Variants in CXCR2 observed in about 807,000 individuals in gnomAD.
The protein encoded by CXCR2 is C-X-C chemokine receptor type 2.
In CXCR2, 2 loss-of-function variants were observed where a neutral mutation model predicts 3.7. The ratio of observed to expected loss-of-function variants is 0.55; its 90% CI spans 0.22 to 1.72. The LOEUF (loss-of-function observed/expected upper bound fraction) is 1.72, where lower values mean the gene tolerates loss of function less well. Among genes scored for constraint, CXCR2 ranks in the 40% most tolerant of loss-of-function variants. The pLI is 0.19. For missense variants in CXCR2, 351 were observed against 450.1 expected (o/e 0.78, Z 1.99); for synonymous variants, 203 against 193.3 (o/e 1.05, Z -0.41).
intron 2 of CXCR2, among the ~76,000 whole-genome samples, chr2:218,134,067 C>T (rs1177790668): frequency 1.3e-5 from 2 of 152,216 alleles, no homozygotes; most frequent in Non-Finnish European, 2.9e-5. Context: ...TCTGCTAGCT[C>T]GAGCCTTCCA....
rs1433940520 is a variant in CXCR2 at position 218,136,093 on chromosome 2, A to G, written c.*209A>G. ...TGCCTCACCCCTTGCCATAATTACT[A>G]TGTCATTTGCTGGAGCTCTGCCCAT... On this transcript the variant is annotated 3_prime_UTR_variant, in exon 3 of 3. Transcript: ENST00000318507. 1.7e-6 allele frequency: 1 copy of G among 594,286 alleles called. No homozygotes were observed. The highest frequency in any genetic ancestry group is 3.3e-5 in the Admixed American group (1 of 30,248). 36.8% of individuals were successfully genotyped at this position (594,286 alleles called of 1,614,324 possible). A position where few individuals can be genotyped will look rare whatever the true frequency, so the allele number is the denominator to read the frequency against.
chr2:218,134,656 G>C (rs56288225), intron 2 of CXCR2, 121 bp from the exon 3 acceptor site: 2 of 941,470 alleles, frequency 2.1e-6, no homozygotes, highest in Non-Finnish European at 3.1e-6. Context: ...CAAATTTGAA[G>C]GGAAAAATTA....
At chr2:218,125,456 C>G (rs1690486491), upstream of CXCR2, 1 of 151,876 alleles carries the variant, frequency 6.6e-6, no homozygotes, top group South Asian at 2.1e-4. Flanking sequence ...TTCCTGCATT[C>G]GTTCCTGGAG....
rs1484237355 is a variant in CXCR2 at position 218,126,218 on chromosome 2, G to A, written c.-213G>A. On this transcript the variant is annotated 5_prime_UTR_variant, in exon 1 of 3. Transcript: ENST00000318507. ...AATACCTCCCCAGGAGGGCATCCTG[G>A]ATTTCCCCCTTGCAACCCAGGTCAG... 3 of 152,304 alleles carry A rather than the reference G, an allele frequency of 2.0e-5. No individual in the cohort carries two copies. The highest frequency in any genetic ancestry group is 7.2e-5 in the African/African-American group (3 of 41,416). 9.4% of individuals were successfully genotyped at this position (152,304 alleles called of 1,614,324 possible). A position where few individuals can be genotyped will look rare whatever the true frequency, so the allele number is the denominator to read the frequency against.
At chr2:218,130,313 G>C (rs1044078365) in intron 2 of CXCR2, among the ~76,000 whole-genome samples, 3 of 152,074 alleles carry the variant, frequency 2.0e-5, no homozygotes, top group Non-Finnish European at 2.9e-5. Flanking sequence ...TCAGCTACTT[G>C]GGAAGCTGAG....
At chr2:218,133,290 A>ATTTT (rs60630461) in intron 2 of CXCR2, among the ~76,000 whole-genome samples, 4 of 73,478 alleles carry the variant, frequency 5.4e-5, no homozygotes, top group Admixed American at 1.7e-4. Flanking sequence ...AGAAACTGGG[A>ATTTT]TTTTTTTTTT....
Position 218,135,024 on chromosome 2 carries a change from T to C in CXCR2, c.223T>C (p.Tyr75His), listed in dbSNP as rs199633255. ...CTCCCTCGTGATGCTGGTCATCTTA[T>C]ACAGCAGGGTCGGCCGCTCCGTCAC... ...GNSLVMLVIL[Y>H]SRVGRSVTDV... The change falls in exon 3 of 3, where the codon TAC (tyrosine) becomes CAC (histidine). Residue 75 changes from tyrosine (Y) to histidine (H), a missense_variant. Transcript: ENST00000318507. This position sits in a 1 kb window ranked among gnomAD's most constrained non-coding sequence, Gnocchi z 4.0. The C allele has an allele frequency of 1.9e-5, 30 of 1,614,142 alleles. No individual in the cohort carries two copies. Among genetic ancestry groups the C allele is most frequent in the Non-Finnish European group, 2.5e-5 (29 of 1,180,054 alleles).
rs200386344 is a variant in CXCR2, at chr2:218,135,302, C to T, written c.501C>T (p.Leu167=). ...GCTACTTGGTCAAATTCATATGTCT[C>T]AGCATCTGGGGTCTGTCCTTGCTCC... ...QKRYLVKFIC[L]SIWGLSLLLA... The change falls in exon 3 of 3, where the codon CTC becomes CTT. Residue 167 remains leucine (L), a synonymous_variant. Transcript: ENST00000318507. The surrounding 1 kb of genome is among the most constrained non-coding windows in gnomAD (Gnocchi z 4.0). 44 of 1,614,108 alleles carry T rather than the reference C, an allele frequency of 2.7e-5. No homozygotes were observed. The highest frequency in any genetic ancestry group is 8.3e-5 in the Admixed American group (5 of 60,016).
At chr2:218,132,150 C>T (rs1574539909) in intron 2 of CXCR2, among the ~76,000 whole-genome samples, 1 of 152,152 alleles carries the variant, frequency 6.6e-6, no homozygotes, top group East Asian at 1.9e-4. Context: ...CCAAAAGTCA[C>T]CCATTTAAAG....
intron 1 of CXCR2, among the ~76,000 whole-genome samples, chr2:218,127,186 G>A (rs1690531895): frequency 1.3e-5 from 2 of 152,170 alleles, no homozygotes; most frequent in South Asian, 2.1e-4. Context: ...GAATGCAATG[G>A]CACAATCTCG....
chr2:218,134,676 A>T (rs1690735338), intron 2 of CXCR2, 101 bp from the exon 3 acceptor site: 1 of 1,109,340 alleles, frequency 9.0e-7, no homozygotes, highest in Non-Finnish European at 1.3e-6. Context: ...ACTACATTGT[A>T]ATACTCAAGC....
At position 218,135,383 on chromosome 2, in the gene CXCR2, A is replaced by G; in HGVS notation, c.582A>G (p.Pro194=). ...CCGTCTACTCATCCAATGTTAGCCCAGCCTGCTATGAGGACATGGGCAACA... is the reference window on the plus strand; with the variant it reads ...CCGTCTACTCATCCAATGTTAGCCCGGCCTGCTATGAGGACATGGGCAACA... ...RRTVYSSNVS[P]ACYEDMGNNT... The change falls in exon 3 of 3, where the codon CCA becomes CCG. Residue 194 remains proline (P), a synonymous_variant. Transcript: ENST00000318507. The surrounding 1 kb of genome is among the most constrained non-coding windows in gnomAD (Gnocchi z 4.0). The G allele has an allele frequency of 6.2e-7, 1 of 1,614,190 alleles. No homozygotes were observed. Among genetic ancestry groups the G allele is most frequent in the East Asian group, 2.2e-5 (1 of 44,886 alleles).
rs947835719 is a variant in CXCR2 at position 218,134,691 on chromosome 2, A to G, written c.-25-86A>G. On this transcript the variant is annotated intron_variant, in intron 2 of 2. Coordinates refer to ENST00000318507, the MANE Select transcript of CXCR2 (RefSeq NM_001557.4). ...ACTACATTGTAATACTCAAGCCAAC[A>G]CAAAGAATCCTATCCCAGTTTCTTG... is the stretch of plus-strand genomic sequence containing the variant. The G allele has an allele frequency of 2.6e-5, 33 of 1,283,730 alleles. No homozygotes were observed. The African/African-American group carries it at 3.4e-4, about 13-fold the overall frequency. The allele number at this position is 1,283,730 out of a possible 1,614,324, so 79.5% of individuals were successfully genotyped here. A position where few individuals can be genotyped will look rare whatever the true frequency, so the allele number is the denominator to read the frequency against.
chr2:218,127,729 C>T (rs1391100765), intron 1 of CXCR2, among the ~76,000 whole-genome samples: 1 of 152,140 alleles, frequency 6.6e-6, no homozygotes, highest in Non-Finnish European at 1.5e-5. Flanking sequence ...GTTGCTTAAC[C>T]TCTCAGAGTC....
Position 218,135,462 on chromosome 2 carries a change from A to T in CXCR2, c.661A>T (p.Ile221Phe). The T allele has an allele frequency of 6.2e-7, 1 of 1,614,174 alleles. No homozygotes were observed. The highest frequency in any genetic ancestry group is 1.7e-5 in the Admixed American group (1 of 60,018). ...LRILPQSFGF[I>F]VPLLIMLFCY... ...GATCCTGCCCCAGTCCTTTGGCTTCATCGTGCCACTGCTGATCATGCTGTT... is the reference window on the plus strand; with the variant it reads ...GATCCTGCCCCAGTCCTTTGGCTTCTTCGTGCCACTGCTGATCATGCTGTT... Residue 221 changes from isoleucine to phenylalanine, a missense_variant, in exon 3 of 3, where the codon ATC (isoleucine) becomes TTC (phenylalanine). Coordinates refer to ENST00000318507, the MANE Select transcript of CXCR2 (RefSeq NM_001557.4). This position sits in a 1 kb window ranked among gnomAD's most constrained non-coding sequence, Gnocchi z 4.0.
chr2:218,135,731 C>A lies in CXCR2; in HGVS notation c.930C>A (p.Asn310Lys), dbSNP rs544347825. 6.2e-7 allele frequency: 1 copy of A among 1,613,984 alleles called. No homozygotes were observed. Among genetic ancestry groups the A allele is most frequent in the Admixed American group, 1.7e-5 (1 of 59,996 alleles). Residue 310 changes from asparagine (N) to lysine (K), a missense_variant, in exon 3 of 3, where the codon AAC becomes AAA. Asn to Lys is a moderately conservative substitution (Grantham distance 94). Transcript: ENST00000318507. The surrounding 1 kb of genome is among the most constrained non-coding windows in gnomAD (Gnocchi z 4.0). ...TGGGCATCCTTCACAGCTGCCTCAACCCCCTCATCTACGCCTTCATTGGCC... is the reference window on the plus strand; with the variant it reads ...TGGGCATCCTTCACAGCTGCCTCAAACCCCTCATCTACGCCTTCATTGGCC... ...EILGILHSCL[N>K]PLIYAFIGQK...
At position 218,136,040 on chromosome 2, in the gene CXCR2, C is replaced by T. The variant is rs200910303; in HGVS notation, c.*156C>T. On this transcript the variant is annotated 3_prime_UTR_variant, in exon 3 of 3. Coordinates refer to ENST00000318507, the MANE Select transcript of CXCR2 (RefSeq NM_001557.4). ...GGAGGCCACGTTCTTACTAGTTTCC[C>T]TTGCATGGTTTAGAAAGCTTGCCCT... is the stretch of plus-strand genomic sequence containing the variant. The T allele has an allele frequency of 2.5e-5, 25 of 1,010,512 alleles. No homozygotes were observed. Among genetic ancestry groups the T allele is most frequent in the South Asian group, 5.1e-5 (3 of 58,684 alleles). The allele number at this position is 1,010,512 out of a possible 1,614,324, so 62.6% of individuals were successfully genotyped here. A position where few individuals can be genotyped will look rare whatever the true frequency, so the allele number is the denominator to read the frequency against.
At chr2:218,134,594 A>T (rs1434617562) in intron 2 of CXCR2, among the ~76,000 whole-genome samples, 183 bp from the exon 3 acceptor site, 3 of 152,194 alleles carry the variant, frequency 2.0e-5, no homozygotes, top group Non-Finnish European at 4.4e-5. Context: ...TCCTCTCATA[A>T]AATGTACCAT....
At chr2:218,130,406 G>A (rs1435372302) in intron 2 of CXCR2, among the ~76,000 whole-genome samples, 1 of 152,102 alleles carries the variant, frequency 6.6e-6, no homozygotes, top group African/African-American at 2.4e-5. Flanking sequence ...GCAACAGAGC[G>A]AGACTGCATC....
Sources: allele counts gnomAD v4.1 joint callset (sites outside exome capture counted in the v4.1 genomes callset), GRCh38; gene constraint gnomAD v4.1.1; non-coding constraint Gnocchi (gnomAD v3.1); transcripts MANE v1.5; gene names NCBI Gene and HGNC (gene_info 2026-07-23, HGNC 2026-07-21).